The following POC1B variants were observed in gnomAD, a reference collection of about 807,000 sequenced individuals.
POC1B encodes the protein POC1 centriolar protein homolog B.
Under a neutral mutation model 60.6 loss-of-function variants are expected in POC1B, and 44 were observed. That is an observed-to-expected ratio of 0.73 (90% CI 0.57 to 0.93). The LOEUF (loss-of-function observed/expected upper bound fraction) is 0.93. Ranked by LOEUF, POC1B falls within the 40% of genes least tolerant of loss-of-function variation. POC1B has a pLI of 0.00. For missense variants in POC1B, 555 were observed against 572.3 expected (o/e 0.97, Z 0.31); for synonymous variants, 180 against 198.9 (o/e 0.90, Z 0.80).
At chr12:89,488,621 G>A (rs1868772893) in intron 4 of POC1B, among the ~76,000 whole-genome samples, 2 of 151,970 alleles carry the variant, frequency 1.3e-5, no homozygotes, top group Admixed American at 1.3e-4. Context: ...CGAGTAGCTG[G>A]GATTACAGGC....
chr12:89,410,780 T>G, the POC1B span, among the ~76,000 whole-genome samples: 1 of 151,906 alleles, frequency 6.6e-6, no homozygotes, highest in South Asian at 2.1e-4. Context: ...AGGCAATCAG[T>G]CAAGAGAAGG....
At chr12:89,412,401 A>T in the POC1B span, among the ~76,000 whole-genome samples, 1 of 145,686 alleles carries the variant, frequency 6.9e-6, no homozygotes, top group Non-Finnish European at 1.5e-5. Flanking sequence ...AATGTAGGCC[A>T]GGCGCAGTGG....
At chr12:89,492,642 A>T (rs1408769927) in intron 3 of POC1B, among the ~76,000 whole-genome samples, 1 of 152,204 alleles carries the variant, frequency 6.6e-6, no homozygotes, top group African/African-American at 2.4e-5. Context: ...TCAGATGTTC[A>T]AATGTTCACA....
At chr12:89,473,602 A>AG (rs1382912216) in intron 4 of POC1B, among the ~76,000 whole-genome samples, 4 of 146,466 alleles carry the variant, frequency 2.7e-5, no homozygotes, top group African/African-American at 1.0e-4. Context: ...CAGAGGTTGC[A>AG]GTAAGCTGCG....
At chr12:89,458,299 G>A (rs1255164353) in intron 10 of POC1B, among the ~76,000 whole-genome samples, 3 of 152,154 alleles carry the variant, frequency 2.0e-5, no homozygotes, top group Non-Finnish European at 2.9e-5. Context: ...GAACATAAAC[G>A]TACTGAACAC....
chr12:89,449,155 T>C (rs1247527879), intron 10 of POC1B, among the ~76,000 whole-genome samples: 1 of 152,214 alleles, frequency 6.6e-6, no homozygotes, highest in African/African-American at 2.4e-5. Flanking sequence ...TTGGTGCTGG[T>C]GTTCAGTCTG....
chr12:89,466,587 G>A, intron 9 of POC1B, 183 bp downstream of exon 9: 1 of 483,304 alleles, frequency 2.1e-6, no homozygotes, highest in South Asian at 5.0e-5. Context: ...TTTACTTCTG[G>A]GCCTTCAAGA....
At chr12:89,524,598 A>C (rs945233737) in intron 2 of POC1B, 1 of 1,594,522 alleles carries the variant, frequency 6.3e-7, no homozygotes, top group Non-Finnish European at 8.6e-7. Flanking sequence ...GCCACCACGC[A>C]GGGGAAGGGC....
chr12:89,437,651 C>T (rs949844064), intron 10 of POC1B, among the ~76,000 whole-genome samples: 3 of 151,864 alleles, frequency 2.0e-5, no homozygotes, highest in African/African-American at 7.3e-5. Context: ...TAATTACCCC[C>T]ATAGCAATTT....
chr12:89,431,002 T>C (rs1881006909), intron 10 of POC1B, among the ~76,000 whole-genome samples: 1 of 152,124 alleles, frequency 6.6e-6, no homozygotes, highest in African/African-American at 2.4e-5. Flanking sequence ...GGAAGCAATG[T>C]AAGCATATAT....
At position 89,502,249 on chromosome 12, in the gene POC1B, A is replaced by T. The variant is rs1224835299; in HGVS notation, c.101-4907T>A. On this transcript the variant is annotated intron_variant, in intron 2 of 11. Transcript: ENST00000313546. ...AGTTCCTGGAAGTTCAGATGACTCA[A>T]AACGAACTAAAGTGATACCAAAGAA... 2.1e-6 allele frequency: 3 copies of T among 1,432,060 alleles called. No homozygotes were observed. The East Asian group carries it at 6.9e-5, about 33-fold the overall frequency. 88.7% of individuals were successfully genotyped at this position (1,432,060 alleles called of 1,614,324 possible). A position where few individuals can be genotyped will look rare whatever the true frequency, so the allele number is the denominator to read the frequency against.
the POC1B span, among the ~76,000 whole-genome samples, chr12:89,409,637 G>A: frequency 1.3e-5 from 2 of 152,218 alleles, no homozygotes; most frequent in East Asian, 1.9e-4. Context: ...CCACTGATCC[G>A]ACAGAAACAC....
At chr12:89,490,505 T>C (rs568704238) in intron 4 of POC1B, among the ~76,000 whole-genome samples, 1 of 152,196 alleles carries the variant, frequency 6.6e-6, no homozygotes, top group Non-Finnish European at 1.5e-5. Context: ...CCACCACGCC[T>C]AGCTAATTTT....
chr12:89,524,177 T>TA, intron 2 of POC1B: 1 of 1,614,002 alleles, frequency 6.2e-7, no homozygotes, highest in Non-Finnish European at 8.5e-7. Flanking sequence ...TTCTGGGACT[T>TA]ACACTCATAC....
At chr12:89,450,451 C>A (rs1162635029) in intron 10 of POC1B, among the ~76,000 whole-genome samples, 1 of 152,148 alleles carries the variant, frequency 6.6e-6, no homozygotes, top group African/African-American at 2.4e-5. Flanking sequence ...TGTGATTTGC[C>A]TGCCTCGGCC....
chr12:89,454,323 C>T (rs893367941), intron 10 of POC1B, among the ~76,000 whole-genome samples: 1 of 152,158 alleles, frequency 6.6e-6, no homozygotes, highest in Non-Finnish European at 1.5e-5. Flanking sequence ...ACCCAGAATC[C>T]GATCGCTTAT....
intron 10 of POC1B, among the ~76,000 whole-genome samples, chr12:89,435,702 A>AT (rs1187469560): frequency 6.6e-5 from 10 of 152,056 alleles, no homozygotes; most frequent in Admixed American, 2.6e-4. Flanking sequence ...ACATAGAAAG[A>AT]TTTTTTTTCC....
rs1231754316 is a variant in POC1B, at chr12:89,419,941, A to G, written c.*1212T>C. On this transcript the variant is annotated 3_prime_UTR_variant, in exon 12 of 12. Coordinates refer to ENST00000313546, the MANE Select transcript of POC1B (RefSeq NM_172240.3). ...CTTAGAAACCCATCTCATAGATACA[A>G]TTGAAATTTCTTTGAGAAAAATTTC... 6.6e-6 allele frequency: 1 copy of G among 152,212 alleles called. No homozygotes were observed. Among genetic ancestry groups the G allele is most frequent in the Admixed American group, 6.5e-5 (1 of 15,276 alleles). The allele number at this position is 152,212 out of a possible 1,614,324, so 9.4% of individuals were successfully genotyped here.
At chr12:89,415,504 G>A (rs1240110963), downstream of POC1B, among the ~76,000 whole-genome samples, 2 of 152,044 alleles carry the variant, frequency 1.3e-5, no homozygotes, top group East Asian at 1.9e-4. Flanking sequence ...TTAGCCGGGC[G>A]TGGTAGCGGG....
Sources: allele counts gnomAD v4.1 joint callset (sites outside exome capture counted in the v4.1 genomes callset), GRCh38; gene constraint gnomAD v4.1.1; transcripts MANE v1.5; gene names NCBI Gene and HGNC (gene_info 2026-07-23, HGNC 2026-07-21).